Variants in GRIK1 observed in about 807,000 individuals in gnomAD.
GRIK1 encodes glutamate ionotropic receptor kainate type subunit 1.
A neutral mutation model predicts 105.7 loss-of-function variants in GRIK1; 69 were observed. That is an observed-to-expected ratio of 0.65 (90% CI 0.54 to 0.80). The LOEUF is 0.80. Ranked by LOEUF, GRIK1 falls within the 30% of genes least tolerant of loss-of-function variation. The pLI, the probability that GRIK1 is intolerant of heterozygous loss-of-function variation, is 0.00. For synonymous variants in GRIK1, 438 were observed against 431.3 expected, an observed-to-expected ratio of 1.02 and a Z score of -0.19; for missense variants, 1,109 against 1,167.3, an observed-to-expected ratio of 0.95 and a Z score of 0.73.
intron 1 of GRIK1, among the ~76,000 whole-genome samples, chr21:29,742,736 T>C (rs2064960704): frequency 6.6e-6 from 1 of 152,262 alleles, no homozygotes; most frequent in African/African-American, 2.4e-5. Flanking sequence ...CTAGTACTTG[T>C]ATGGTTTCAT....
intron 1 of GRIK1, among the ~76,000 whole-genome samples, chr21:29,741,253 C>T (rs2064918822): frequency 6.6e-6 from 1 of 152,222 alleles, no homozygotes; most frequent in African/African-American, 2.4e-5. Flanking sequence ...CATGCCATGA[C>T]TTGAAACTGG....
intron 9 of GRIK1, among the ~76,000 whole-genome samples, chr21:29,593,156 C>T (rs2061356736): frequency 6.6e-6 from 1 of 152,136 alleles, no homozygotes. Flanking sequence ...ATTTCCTATA[C>T]TTAATGAGGG....
At chr21:29,653,597 T>C (rs974352320) in intron 5 of GRIK1, among the ~76,000 whole-genome samples, 3 of 152,234 alleles carry the variant, frequency 2.0e-5, no homozygotes, top group Non-Finnish European at 2.9e-5. Flanking sequence ...CCATGTCACC[T>C]TGAGTAACCC....
intron 7 of GRIK1, among the ~76,000 whole-genome samples, chr21:29,599,396 G>A (rs960412160): frequency 6.6e-6 from 1 of 152,116 alleles, no homozygotes; most frequent in Non-Finnish European, 1.5e-5. Flanking sequence ...ATGACTTAGC[G>A]TGTTTGCACC....
chr21:29,872,398 T>A (rs922710361), intron 1 of GRIK1, among the ~76,000 whole-genome samples: 2 of 152,064 alleles, frequency 1.3e-5, no homozygotes, highest in African/African-American at 4.8e-5. Context: ...TTTCATCATG[T>A]TAGCCAGGAT....
chr21:29,773,478 A>C (rs1219289301), intron 1 of GRIK1, among the ~76,000 whole-genome samples: 1 of 152,088 alleles, frequency 6.6e-6, no homozygotes, highest in African/African-American at 2.4e-5. Flanking sequence ...TCTTCTTGAC[A>C]TATGTCTACC....
chr21:29,586,335 A>T (rs2091130524), intron 12 of GRIK1, among the ~76,000 whole-genome samples: 1 of 152,202 alleles, frequency 6.6e-6, no homozygotes, highest in Non-Finnish European at 1.5e-5. Context: ...GTGGATCTTT[A>T]AAACCTTTCC....
At chr21:29,814,303 A>G (rs1009306890) in intron 1 of GRIK1, among the ~76,000 whole-genome samples, 1 of 151,740 alleles carries the variant, frequency 6.6e-6, no homozygotes, top group African/African-American at 2.4e-5. Flanking sequence ...TGGTCTCTTC[A>G]TGACAAAGGA....
At chr21:29,828,698 C>T (rs960869819) in intron 1 of GRIK1, among the ~76,000 whole-genome samples, 1 of 152,080 alleles carries the variant, frequency 6.6e-6, no homozygotes, top group African/African-American at 2.4e-5. Context: ...CAGAGCCTCA[C>T]TATGTTGCCC....
chr21:29,689,782 G>T lies in GRIK1; in HGVS notation c.490C>A (p.Leu164Met). 6.2e-7 allele frequency: 1 copy of T among 1,613,818 alleles called. No homozygotes were observed. The highest frequency in any genetic ancestry group is 8.5e-7 in the Non-Finnish European group (1 of 1,179,730). Residue 164 changes from leucine (L) to methionine (M), a missense_variant, in exon 3 of 18, where the codon CTG becomes ATG. Physicochemically the swap from Leu to Met is conservative, Grantham distance 15. Transcript: ENST00000327783. ...GTTTTCCAGTTGTAATAGAGGACCAGATCCAGGATCGCCCTGCTGATAGCT... is the reference window on the plus strand; with the variant it reads ...GTTTTCCAGTTGTAATAGAGGACCATATCCAGGATCGCCCTGCTGATAGCT... ...YAAISRAILDLVLYYNWKTVT... is the reference protein window; with the variant it reads ...YAAISRAILDMVLYYNWKTVT...
At chr21:29,815,137 G>T (rs1042455805) in intron 1 of GRIK1, among the ~76,000 whole-genome samples, 1 of 149,952 alleles carries the variant, frequency 6.7e-6, no homozygotes, top group African/African-American at 2.5e-5. Flanking sequence ...TAAAGTCAAT[G>T]CACTTTTTTG....
intron 1 of GRIK1, among the ~76,000 whole-genome samples, chr21:29,858,110 G>T (rs534234644): frequency 2.8e-4 from 43 of 152,290 alleles, no homozygotes; most frequent in African/African-American, 8.7e-4. Context: ...ATGTTGGCCA[G>T]CTGGTCTCGA....
At chr21:29,932,488 G>A (rs2071601636) in intron 1 of GRIK1, among the ~76,000 whole-genome samples, 1 of 151,992 alleles carries the variant, frequency 6.6e-6, no homozygotes, top group Non-Finnish European at 1.5e-5. Context: ...TCATAACTGA[G>A]ATTATAAATT....
At chr21:29,637,165 A>T (rs1217104456) in intron 7 of GRIK1, among the ~76,000 whole-genome samples, 1 of 152,200 alleles carries the variant, frequency 6.6e-6, no homozygotes, top group Non-Finnish European at 1.5e-5. Context: ...TAATAGAAGC[A>T]CTGTGACCCA....
intron 1 of GRIK1, among the ~76,000 whole-genome samples, chr21:29,885,629 G>A (rs1019546533): frequency 1.3e-5 from 2 of 152,048 alleles, no homozygotes; most frequent in African/African-American, 4.8e-5. Context: ...TTCTATCATA[G>A]CATCAATGAT....
chr21:29,695,462 ATCTATC>A (rs759370760), intron 1 of GRIK1, among the ~76,000 whole-genome samples: 86 of 144,610 alleles, frequency 5.9e-4, no homozygotes, highest in Non-Finnish European at 1.1e-3. Flanking sequence ...CTATCTATCT[ATCTATC>A]TATCTATCTA....
At chr21:29,633,007 G>A (rs2146491019) in intron 7 of GRIK1, among the ~76,000 whole-genome samples, 1 of 152,314 alleles carries the variant, frequency 6.6e-6, no homozygotes, top group Middle Eastern at 3.4e-3. Context: ...TTAAGAGGTG[G>A]GGCCTTTAGG....
intron 4 of GRIK1, among the ~76,000 whole-genome samples, chr21:29,662,578 T>C (rs2062985857): frequency 6.6e-6 from 1 of 152,172 alleles, no homozygotes; most frequent in African/African-American, 2.4e-5. Flanking sequence ...GATAATGATG[T>C]TAATGAAAAC....
chr21:29,861,591 G>T, intron 1 of GRIK1: 1 of 377,556 alleles, frequency 2.6e-6, no homozygotes, highest in Non-Finnish European at 5.2e-6. Context: ...ATAGGTGTGA[G>T]CCAACACGCC....
Sources: gnomAD v4.1 joint callset for allele counts (sites outside exome capture counted in the v4.1 genomes callset) on GRCh38, gnomAD v4.1.1 for gene constraint, MANE v1.5 for transcripts, NCBI Gene and HGNC (gene_info 2026-07-23, HGNC 2026-07-21) for gene names.